The following CFTR variants were observed in gnomAD, a reference collection of about 807,000 sequenced individuals.
CFTR encodes cystic fibrosis transmembrane conductance regulator.
A neutral mutation model predicts 171.6 loss-of-function variants in CFTR; 181 were observed. That is an observed-to-expected ratio of 1.05 (90% CI 0.93 to 1.19). The LOEUF is 1.19. Among genes scored for constraint, CFTR ranks in the 50% most tolerant of loss-of-function variants. The pLI is 0.00. For missense variants in CFTR, 1,968 were observed against 1,734.7 expected, an observed-to-expected ratio of 1.13 and a Z score of -2.39; for synonymous variants, 583 against 608.0, an observed-to-expected ratio of 0.96 and a Z score of 0.60.
intron 9 of CFTR, among the ~76,000 whole-genome samples, chr7:117,544,227 T>C (rs1156572717): frequency 6.6e-6 from 1 of 151,776 alleles, no homozygotes; most frequent in Non-Finnish European, 1.5e-5. Flanking sequence ...AAGGAAGTGC[T>C]ATCTGGGTAA....
intron 9 of CFTR, 72 bp from the exon 10 acceptor site, chr7:117,548,568 CT>C: frequency 6.4e-7 from 1 of 1,561,236 alleles, no homozygotes; most frequent in Non-Finnish European, 8.7e-7. Context: ...AAACAAGCAT[CT>C]ATTGAAAATA....
intron 4 of CFTR, among the ~76,000 whole-genome samples, chr7:117,531,577 T>C (rs1046954834): frequency 1.3e-5 from 2 of 152,146 alleles, no homozygotes; most frequent in African/African-American, 4.8e-5. Context: ...CCGCCTTATT[T>C]TGAGTTGGAT....
rs1686494980 is a variant in CFTR at position 117,668,037 on chromosome 7, C to T, written c.*929C>T. 1 of 152,196 alleles carries T rather than the reference C, an allele frequency of 6.6e-6. No individual in the cohort carries two copies. The highest frequency in any genetic ancestry group is 3.2e-3 in the Middle Eastern group (1 of 316). 9.4% of individuals were successfully genotyped at this position (152,196 alleles called of 1,614,324 possible). A position where few individuals can be genotyped will look rare whatever the true frequency, so the allele number is the denominator to read the frequency against. On this transcript the variant is annotated 3_prime_UTR_variant, in exon 27 of 27. Transcript: ENST00000003084. ...TGTGTAAGTAGATAGGCCATGGGCACTGTGGGTAGACACACATGAAGTCCA... is the reference window on the plus strand; with the variant it reads ...TGTGTAAGTAGATAGGCCATGGGCATTGTGGGTAGACACACATGAAGTCCA...
intron 15 of CFTR, among the ~76,000 whole-genome samples, chr7:117,600,133 A>G (rs1263471153): frequency 6.6e-6 from 1 of 151,824 alleles, no homozygotes; most frequent in Non-Finnish European, 1.5e-5. Flanking sequence ...TATTAAACTG[A>G]AAAAAAATTA....
intron 4 of CFTR, among the ~76,000 whole-genome samples, chr7:117,531,596 T>A (rs1400825702): frequency 6.6e-6 from 1 of 152,160 alleles, no homozygotes; most frequent in African/African-American, 2.4e-5. Context: ...ATTTTTATCA[T>A]CCTATGAGCC....
intron 22 of CFTR, among the ~76,000 whole-genome samples, chr7:117,635,658 T>C (rs1433329909): frequency 1.3e-5 from 2 of 152,172 alleles, no homozygotes; most frequent in East Asian, 1.9e-4. Flanking sequence ...GTTTGCAATA[T>C]ACATTTACAA....
rs1004160181 is a variant in CFTR at position 117,611,924 on chromosome 7, A to C, written c.3367+116A>C. 6.0e-6 allele frequency: 4 copies of C among 667,480 alleles called. No individual in the cohort carries two copies. In the African/African-American group the frequency reaches 7.4e-5, roughly 12 times the overall value. The allele number at this position is 667,480 out of a possible 1,614,324, so 41.3% of individuals were successfully genotyped here. A position where few individuals can be genotyped will look rare whatever the true frequency, so the allele number is the denominator to read the frequency against. ...TATCTTTAGAGTTTAGTAATTAACA[A>C]ATTTGTTGGTTTATTATTGAACAAG... On this transcript the variant is annotated intron_variant, in intron 20 of 26. Coordinates refer to ENST00000003084, the MANE Select transcript of CFTR (RefSeq NM_000492.4).
At chr7:117,612,060 T>G (rs1396346244) in intron 20 of CFTR, among the ~76,000 whole-genome samples, 1 of 99,714 alleles carries the variant, frequency 1.0e-5, no homozygotes, top group African/African-American at 3.8e-5. Context: ...TATACATATA[T>G]ATATATAGTA....
rs1481956057 is a variant in CFTR at position 117,535,262 on chromosome 7, A to G, written c.594A>G (p.Ala198=). ...LNKFDEGLAL[A]HFVWIAPLQV... ...TTATTTTCCAGGGACTTGCATTGGC[A>G]CATTTCGTGTGGATCGCTCCTTTGC... The change falls in exon 6 of 27, where the codon GCA becomes GCG. Residue 198 remains alanine (A), a synonymous_variant. Transcript: ENST00000003084. The G allele has an allele frequency of 6.2e-7, 1 of 1,614,078 alleles. No individual in the cohort carries two copies. Among genetic ancestry groups the G allele is most frequent in the South Asian group, 1.1e-5 (1 of 91,080 alleles).
chr7:117,621,048 G>C (rs1345641921), intron 21 of CFTR, among the ~76,000 whole-genome samples: 2 of 152,188 alleles, frequency 1.3e-5, no homozygotes, highest in African/African-American at 4.8e-5. Flanking sequence ...GTTGCAGGGA[G>C]CTGAGATAGC....
chr7:117,524,797 C>T (rs1050470407), intron 3 of CFTR, among the ~76,000 whole-genome samples: 1 of 152,054 alleles, frequency 6.6e-6, no homozygotes, highest in Non-Finnish European at 1.5e-5. Flanking sequence ...CACAGGGTGG[C>T]ATGTTAGGCA....
chr7:117,651,032 T>C (rs1793081853), intron 23 of CFTR, among the ~76,000 whole-genome samples: 1 of 152,168 alleles, frequency 6.6e-6, no homozygotes, highest in Non-Finnish European at 1.5e-5. Flanking sequence ...AACCTGCTGT[T>C]TCTTCATGTA....
chr7:117,551,933 C>G (rs1799277784), intron 10 of CFTR, among the ~76,000 whole-genome samples: 2 of 152,188 alleles, frequency 1.3e-5, no homozygotes, highest in South Asian at 4.1e-4. Context: ...CTTGTAATAA[C>G]TGGGACTCAT....
intron 1 of CFTR, among the ~76,000 whole-genome samples, chr7:117,485,956 A>G (rs896193236): frequency 1.3e-5 from 2 of 152,094 alleles, no homozygotes; most frequent in African/African-American, 4.8e-5. Context: ...ACCTGTGTCT[A>G]TTGTAGATCG....
At chr7:117,606,850 G>T (rs896801489) in intron 18 of CFTR, 97 bp downstream of exon 18, 1 of 804,322 alleles carries the variant, frequency 1.2e-6, no homozygotes. Flanking sequence ...TTTGATTGAG[G>T]GTTGAAGTCC....
intron 15 of CFTR, among the ~76,000 whole-genome samples, chr7:117,596,630 C>T (rs1294252636): frequency 6.6e-6 from 1 of 152,226 alleles, no homozygotes; most frequent in Non-Finnish European, 1.5e-5. Flanking sequence ...TGTAAATACA[C>T]CAATCAGCAC....
chr7:117,557,429 T>C (rs942993775), intron 10 of CFTR, among the ~76,000 whole-genome samples: 1 of 152,132 alleles, frequency 6.6e-6, no homozygotes, highest in African/African-American at 2.4e-5. Flanking sequence ...GATATTTAGG[T>C]CTTCTACATC....
Position 117,559,589 on chromosome 7 carries a change from C to G in CFTR, c.1518C>G (p.Ile506Met), listed in dbSNP as rs1800092. ...TGCCTGGCACCATTAAAGAAAATAT[C>G]ATCTTTGGTGTTTCCTATGATGAAT... ...WIMPGTIKEN[I>M]IFGVSYDEYR... Residue 506 changes from isoleucine to methionine, a missense_variant, in exon 11 of 27, where the codon ATC (isoleucine) becomes ATG (methionine). Ile to Met is a conservative substitution (Grantham distance 10). Coordinates refer to ENST00000003084, the MANE Select transcript of CFTR (RefSeq NM_000492.4). 6 of 1,611,776 alleles carry G rather than the reference C, an allele frequency of 3.7e-6. No homozygotes were observed. The South Asian group carries it at 5.5e-5, about 15-fold the overall frequency.
intron 21 of CFTR, among the ~76,000 whole-genome samples, chr7:117,624,375 C>T (rs920895437): frequency 2.0e-5 from 3 of 152,098 alleles, no homozygotes; most frequent in Non-Finnish European, 4.4e-5. Flanking sequence ...TGTGAGCTCT[C>T]GCTTGCTGAC....
Sources: allele counts gnomAD v4.1 joint callset (sites outside exome capture counted in the v4.1 genomes callset), GRCh38; gene constraint gnomAD v4.1.1; transcripts MANE v1.5; gene names NCBI Gene and HGNC (gene_info 2026-07-23, HGNC 2026-07-21).